The following SPTA1 variants were observed in gnomAD, a reference collection of about 807,000 sequenced individuals.
SPTA1 encodes spectrin alpha chain, erythrocytic 1.
SPTA1 carries 177 observed loss-of-function variants against 324.7 expected under a neutral mutation model. The ratio of observed to expected loss-of-function variants is 0.55; its 90% CI spans 0.48 to 0.62. The LOEUF (loss-of-function observed/expected upper bound fraction) is 0.62. SPTA1 is among the 20% of genes least tolerant of loss of function. The probability of loss-of-function intolerance (pLI) is 0.00; values close to 1 mark genes in which losing one functional copy is unlikely to be tolerated. For synonymous variants in SPTA1, 1,195 were observed against 1,041.3 expected (o/e 1.15, Z -2.84); for missense variants, 3,162 against 2,883.6 (o/e 1.10, Z -2.21).
chr1:158,683,045 A>G (rs1654919472), intron 3 of SPTA1, among the ~76,000 whole-genome samples: 1 of 152,134 alleles, frequency 6.6e-6, no homozygotes, highest in South Asian at 2.1e-4. Flanking sequence ...GGTTAGAGGA[A>G]ATAATTAGAA....
At chr1:158,651,880 G>GCT (rs60287443) in intron 23 of SPTA1, among the ~76,000 whole-genome samples, 24 of 149,298 alleles carry the variant, frequency 1.6e-4, no homozygotes, top group East Asian at 5.9e-4. Context: ...TCTAGGGAGT[G>GCT]CTCTCTCTCT....
rs761335134 is a variant in SPTA1, at chr1:158,647,609, C to T, written c.3826G>A (p.Gly1276Arg). ...CTCTCCTTACGATCCTTTGTACGCC[C>T]CTGCAGGTCTTCCCAGGCCTCATTC... ...ELNEAWEDLQ[G>R]RTKDRKESLN... The change falls in exon 27 of 52, where the codon GGG (glycine) becomes AGG (arginine). Residue 1276 changes from glycine (G) to arginine (R), a missense_variant. By Grantham distance (125) the Gly-to-Arg change is moderately radical. Transcript: ENST00000643759. The T allele has an allele frequency of 1.2e-6, 2 of 1,613,942 alleles. No homozygotes were observed. Among genetic ancestry groups the T allele is most frequent in the Admixed American group, 1.7e-5 (1 of 59,992 alleles).
chr1:158,672,194 C>T lies in SPTA1; in HGVS notation c.1353G>A (p.Met451Ile). The T allele has an allele frequency of 3.1e-6, 5 of 1,613,726 alleles. No homozygotes were observed. The highest frequency in any genetic ancestry group is 4.2e-6 in the Non-Finnish European group (5 of 1,179,832). Residue 451 changes from methionine (M) to isoleucine (I), a missense_variant and splice_region_variant, in exon 11 of 52, where the codon ATG becomes ATA. Physicochemically the swap from Met to Ile is conservative, Grantham distance 10 (BLOSUM62 1). Coordinates refer to ENST00000643759, the MANE Select transcript of SPTA1 (RefSeq NM_003126.4). ...HEASDEVREK[M>I]EILDNNWTAL... ...CAGTCCAGTTGTTGTCAAGTATTTC[C>T]ATCTTTGGAAAGAAGGAGATAATGT...
At chr1:158,632,737 T>C (rs943288271) in intron 39 of SPTA1, among the ~76,000 whole-genome samples, 3 of 146,902 alleles carry the variant, frequency 2.0e-5, no homozygotes, top group Admixed American at 6.8e-5. Context: ...GATATAGCCA[T>C]ACAAACAGGA....
Position 158,680,486 on chromosome 1 carries a change from A to G in SPTA1, c.678+97T>C, listed in dbSNP as rs1184084981. 4 of 1,552,374 alleles carry G rather than the reference A, an allele frequency of 2.6e-6. No individual in the cohort carries two copies. In the African/African-American group the frequency reaches 4.1e-5, roughly 16 times the overall value. On this transcript the variant is annotated intron_variant, in intron 5 of 51. Transcript: ENST00000643759. ...ACATGCCAACCTCTGTTTTCTCACAATGCCCCATCTCCTTCATATCCATCT... is the reference window on the plus strand; with the variant it reads ...ACATGCCAACCTCTGTTTTCTCACAGTGCCCCATCTCCTTCATATCCATCT...
rs1288857391 is a variant in SPTA1, at chr1:158,654,732, G to A, written c.2915C>T (p.Pro972Leu). 1 of 1,613,704 alleles carries A rather than the reference G, an allele frequency of 6.2e-7. No individual in the cohort carries two copies. The highest frequency in any genetic ancestry group is 2.2e-5 in the East Asian group (1 of 44,844). ...ANACQQQQAA[P>L]VEGVAGEQRV... ...TTGTTCTCCAGCAACTCCCTCCACTGGTGCAGCCTGTTGTTGCTGAATAAA... is the reference window on the plus strand; with the variant it reads ...TTGTTCTCCAGCAACTCCCTCCACTAGTGCAGCCTGTTGTTGCTGAATAAA... Residue 972 changes from proline to leucine, a missense_variant, in exon 21 of 52, where the codon CCA becomes CTA. Physicochemically the swap from Pro to Leu is moderately conservative, Grantham distance 98. Transcript: ENST00000643759.
chr1:158,623,070 G>A lies in SPTA1; in HGVS notation c.6033C>T (p.Ala2011=), dbSNP rs756076041. The part of the protein sequence containing the change: ...NQSKAIEERY[A]ALLKRWEQLL... ...ACTGTTCCCAGCGCTTCAGCAGAGC[G>A]GCATAACGCTCTTCAATGGCTTTAG... is the stretch of plus-strand genomic sequence containing the variant. The change falls in exon 43 of 52, where the codon GCC becomes GCT. Residue 2011 remains alanine (A), a synonymous_variant. Transcript: ENST00000643759. The A allele has an allele frequency of 2.5e-5, 40 of 1,614,016 alleles. No homozygotes were observed. The highest frequency in any genetic ancestry group is 5.5e-5 in the South Asian group (5 of 91,080).
Position 158,642,987 on chromosome 1 carries a change from G to A in SPTA1, c.4443-11C>T, listed in dbSNP as rs766964217. 1 of 1,613,360 alleles carries A rather than the reference G, an allele frequency of 6.2e-7. No individual in the cohort carries two copies. On this transcript the variant is annotated splice_polypyrimidine_tract_variant and intron_variant, in intron 31 of 51. Transcript: ENST00000643759. ...TTGAGAGCCTTCCACCTAGAGGACGGAGCCAAATCACTCTATGCCCTCCTC... is the reference window on the plus strand; with the variant it reads ...TTGAGAGCCTTCCACCTAGAGGACGAAGCCAAATCACTCTATGCCCTCCTC...
At chr1:158,622,022 G>A (rs1246150325) in intron 43 of SPTA1, among the ~76,000 whole-genome samples, 29 of 152,178 alleles carry the variant, frequency 1.9e-4, no homozygotes, top group Admixed American at 1.1e-3. Context: ...CCGCCACCAC[G>A]CCCGGCTAAT....
chr1:158,681,806 A>G, intron 3 of SPTA1, 139 bp from the exon 4 acceptor site: 11 of 1,110,588 alleles, frequency 9.9e-6, no homozygotes, highest in Non-Finnish European at 1.5e-5. Flanking sequence ...AACATTTAAA[A>G]GAGGAAATAG....
intron 51 of SPTA1, chr1:158,611,889 A>T (rs1274964722): frequency 6.2e-6 from 1 of 161,954 alleles, no homozygotes; most frequent in Non-Finnish European, 1.3e-5. Flanking sequence ...TACCAAGTGG[A>T]TCCCTAAAGA....
intron 50 of SPTA1, among the ~76,000 whole-genome samples, 153 bp downstream of exon 50, chr1:158,613,568 G>A (rs192194830): frequency 8.0e-4 from 122 of 152,240 alleles, no homozygotes; most frequent in African/African-American, 2.8e-3. Context: ...AATCTTGAAA[G>A]GGCACCAAGA....
At chr1:158,682,302 G>A (rs891282786) in intron 3 of SPTA1, among the ~76,000 whole-genome samples, 2 of 152,070 alleles carry the variant, frequency 1.3e-5, no homozygotes, top group African/African-American at 4.8e-5. Context: ...CCATTGCTCT[G>A]GGTAGCATGT....
intron 29 of SPTA1, 127 bp from the exon 30 acceptor site, chr1:158,644,523 C>T (rs1651851750): frequency 9.2e-7 from 1 of 1,083,448 alleles, no homozygotes; most frequent in South Asian, 1.3e-5. Flanking sequence ...CCAAGAAACA[C>T]TCATGTGACA....
At chr1:158,669,810 A>G in intron 12 of SPTA1, 24 bp from the exon 13 acceptor site, 1 of 1,612,592 alleles carries the variant, frequency 6.2e-7, no homozygotes, top group Non-Finnish European at 8.5e-7. Context: ...AATAAAAATG[A>G]ATGCTTTTCC....
At chr1:158,678,271 A>C in intron 6 of SPTA1, 130 bp downstream of exon 6, 2 of 1,270,794 alleles carry the variant, frequency 1.6e-6, no homozygotes, top group Non-Finnish European at 2.3e-6. Flanking sequence ...CCCAAAGGCA[A>C]GTACATGATC....
rs761828890 is a variant in SPTA1, at chr1:158,685,183, A to G, written c.189T>C (p.Asp63=). 1 of 1,613,788 alleles carries G rather than the reference A, an allele frequency of 6.2e-7. No homozygotes were observed. Among genetic ancestry groups the G allele is most frequent in the Non-Finnish European group, 8.5e-7 (1 of 1,179,860 alleles). The change falls in exon 2 of 52, where the codon GAT becomes GAC. Residue 63 remains aspartate (D), a synonymous_variant. Transcript: ENST00000643759. ...YHLQVFKRDA[D]DLGKWIMEKV... is the part of the protein sequence containing the mutation. ...TCTCCATGATCCACTTCCCCAGATCATCTGCATCTCGCTTGAAAACTTGTA... is the reference window on the plus strand; with the variant it reads ...TCTCCATGATCCACTTCCCCAGATCGTCTGCATCTCGCTTGAAAACTTGTA...
chr1:158,677,630 A>G (rs1654476752), intron 7 of SPTA1, 60 bp downstream of exon 7: 5 of 1,600,220 alleles, frequency 3.1e-6, no homozygotes, highest in African/African-American at 1.3e-5. Flanking sequence ...AATAGGCAAG[A>G]TAATCAACAA....
chr1:158,648,250 C>T (rs1557955635), intron 26 of SPTA1, among the ~76,000 whole-genome samples: 1 of 152,190 alleles, frequency 6.6e-6, no homozygotes, highest in Non-Finnish European at 1.5e-5. Flanking sequence ...TCACTTGTAA[C>T]CCACCAAAGA....
Sources: gnomAD v4.1 joint callset for allele counts (sites outside exome capture counted in the v4.1 genomes callset) on GRCh38, gnomAD v4.1.1 for gene constraint, MANE v1.5 for transcripts, NCBI Gene and HGNC (gene_info 2026-07-23, HGNC 2026-07-21) for gene names.